Variants in EMSY observed in about 807,000 individuals in gnomAD.
The protein encoded by EMSY is EMSY transcriptional repressor, BRCA2 interacting, also known as BRCA2-interacting transcriptional repressor EMSY.
In EMSY, 26 loss-of-function variants were observed where a neutral mutation model predicts 134.6. The ratio of observed to expected loss-of-function variants is 0.19; its 90% CI spans 0.14 to 0.27. EMSY has a LOEUF of 0.27. Among genes scored for constraint, EMSY ranks in the 10% least tolerant of loss-of-function variants. The pLI, the probability that EMSY is intolerant of heterozygous loss-of-function variation, is 1.00. For missense variants in EMSY, 1,305 were observed against 1,611.4 expected (o/e 0.81, Z 3.26); for synonymous variants, 579 against 577.8 (o/e 1.00, Z -0.03).
chr11:76,466,065 A>G (rs559864028), intron 7 of EMSY, among the ~76,000 whole-genome samples: 1 of 152,242 alleles, frequency 6.6e-6, no homozygotes, highest in African/African-American at 2.4e-5. Flanking sequence ...ACCATTCATG[A>G]TATATATACT....
intron 4 of EMSY, among the ~76,000 whole-genome samples, chr11:76,455,413 C>T (rs1253899999): frequency 6.6e-6 from 1 of 152,026 alleles, no homozygotes; most frequent in African/African-American, 2.4e-5. Context: ...TCATTCTTTC[C>T]ATCTCCTCTG....
At chr11:76,489,315 CTTTTTT>C (rs57048007) in intron 8 of EMSY, among the ~76,000 whole-genome samples, 1 of 128,170 alleles carries the variant, frequency 7.8e-6, no homozygotes, top group African/African-American at 2.9e-5. Flanking sequence ...TTCTTGTTTT[CTTTTTT>C]TTTTTTTTTT....
chr11:76,550,343 T>A (rs140454062), exon 21 of EMSY: 361 of 357,776 alleles, frequency 1.0e-3, no homozygotes, highest in African/African-American at 6.5e-3. Context: ...TGTACTTTTT[T>A]AAAAAAAAAT....
exon 10 of EMSY, chr11:76,513,470 C>T (rs2136120011): frequency 1.2e-6 from 2 of 1,613,694 alleles, no homozygotes; most frequent in Non-Finnish European, 1.7e-6. Flanking sequence ...AGTAGCAATT[C>T]CCCTATTATG....
intron 8 of EMSY, among the ~76,000 whole-genome samples, chr11:76,489,383 T>C (rs1159885074): frequency 6.6e-6 from 1 of 151,558 alleles, no homozygotes; most frequent in Non-Finnish European, 1.5e-5. Context: ...AGTCTGTAGC[T>C]ATATTTGTGG....
chr11:76,484,152 G>A (rs1949089162), intron 8 of EMSY, among the ~76,000 whole-genome samples: 1 of 152,144 alleles, frequency 6.6e-6, no homozygotes, highest in Non-Finnish European at 1.5e-5. Flanking sequence ...AATGACTACT[G>A]GGTAAATAAC....
intron 8 of EMSY, among the ~76,000 whole-genome samples, chr11:76,483,355 A>G (rs1354512007): frequency 6.6e-6 from 1 of 152,230 alleles, no homozygotes; most frequent in Non-Finnish European, 1.5e-5. Flanking sequence ...CTAATGGACA[A>G]AATAACCAGC....
chr11:76,448,638 C>G (rs567609403), intron 2 of EMSY, among the ~76,000 whole-genome samples: 26 of 151,884 alleles, frequency 1.7e-4, no homozygotes, highest in Non-Finnish European at 4.4e-5. Flanking sequence ...AAACAGTCAT[C>G]TCGTATGGTA....
At chr11:76,504,019 C>T (rs1299337872) in intron 9 of EMSY, among the ~76,000 whole-genome samples, 1 of 151,544 alleles carries the variant, frequency 6.6e-6, no homozygotes, top group East Asian at 1.9e-4. Flanking sequence ...CTCCTGACTT[C>T]AAGTGATCCA....
chr11:76,472,922 T>C, intron 8 of EMSY, 82 bp downstream of exon 9: 1 of 1,466,738 alleles, frequency 6.8e-7, no homozygotes, highest in Non-Finnish European at 9.4e-7. Flanking sequence ...GTTTCTCTGC[T>C]TTGGATATGA....
chr11:76,491,090 C>T (rs187582691), intron 8 of EMSY, among the ~76,000 whole-genome samples: 123 of 152,208 alleles, frequency 8.1e-4, no homozygotes, highest in Non-Finnish European at 1.4e-3. Flanking sequence ...GTTGCCTCCT[C>T]CCCTGTGCAG....
chr11:76,491,980 T>C (rs1313569468), intron 8 of EMSY, among the ~76,000 whole-genome samples: 3 of 152,242 alleles, frequency 2.0e-5, no homozygotes, highest in Non-Finnish European at 4.4e-5. Flanking sequence ...TTTGTAATGA[T>C]AGACTCGTGT....
intron 8 of EMSY, among the ~76,000 whole-genome samples, chr11:76,479,470 T>C (rs1442437045): frequency 6.6e-6 from 1 of 152,192 alleles, no homozygotes; most frequent in African/African-American, 2.4e-5. Flanking sequence ...CAATAACAGG[T>C]TCCCCGCAAT....
At chr11:76,471,237 A>T (rs1299403757) in intron 7 of EMSY, among the ~76,000 whole-genome samples, 2 of 152,098 alleles carry the variant, frequency 1.3e-5, no homozygotes, top group Non-Finnish European at 2.9e-5. Context: ...TTATTTTTTA[A>T]AACAGTTTTA....
exon 12 of EMSY, chr11:76,523,250 C>T: frequency 1.9e-6 from 3 of 1,613,624 alleles, no homozygotes; most frequent in Non-Finnish European, 1.7e-6. Flanking sequence ...CATTCAAGGC[C>T]TCCCGGGCAA....
chr11:76,461,459 G>A (rs1414428185), intron 6 of EMSY, among the ~76,000 whole-genome samples: 1 of 152,196 alleles, frequency 6.6e-6, no homozygotes, highest in Non-Finnish European at 1.5e-5. Flanking sequence ...TTAAGTTGCT[G>A]TGTTTCATGT....
chr11:76,528,247 A>G (rs371860327), intron 13 of EMSY, 21 bp from the exon 15 acceptor site: 30 of 1,600,896 alleles, frequency 1.9e-5, no homozygotes, highest in Non-Finnish European at 2.4e-5. Context: ...TTATCTCAGT[A>G]TATTTCTGCT....
intron 14 of EMSY, among the ~76,000 whole-genome samples, chr11:76,533,005 A>T (rs77992724): frequency 0.017 from 2,551 of 152,180 alleles, 49 homozygotes; most frequent in East Asian, 0.094. Context: ...TGACCATGGA[A>T]CCCTTTTTTT....
At chr11:76,528,814 G>T (rs1370522025) in intron 14 of EMSY, among the ~76,000 whole-genome samples, 5 of 152,036 alleles carry the variant, frequency 3.3e-5, no homozygotes, top group Admixed American at 2.0e-4. Context: ...CGTATGTAAA[G>T]AAGTGAATAT....
Sources: allele counts gnomAD v4.1 joint callset (sites outside exome capture counted in the v4.1 genomes callset), GRCh38; gene constraint gnomAD v4.1.1; transcripts MANE v1.5; gene names NCBI Gene and HGNC (gene_info 2026-07-23, HGNC 2026-07-21).